Variants in OPRM1 observed in about 807,000 individuals in gnomAD.
OPRM1 encodes mu-type opioid receptor.
Under a neutral mutation model 31.8 loss-of-function variants are expected in OPRM1, and 27 were observed. The ratio of observed to expected loss-of-function variants is 0.85; its 90% CI spans 0.63 to 1.17. The LOEUF (loss-of-function observed/expected upper bound fraction) is 1.17. Ranked by LOEUF, OPRM1 falls within the 50% of genes most tolerant of loss-of-function variation. The pLI is 0.00. For synonymous variants in OPRM1, 196 were observed against 189.9 expected (o/e 1.03, Z -0.26); for missense variants, 536 against 511.1 (o/e 1.05, Z -0.47).
At chr6:154,161,502 T>C (rs779107281) in intron 3 of OPRM1, among the ~76,000 whole-genome samples, 1 of 152,138 alleles carries the variant, frequency 6.6e-6, no homozygotes, top group Non-Finnish European at 1.5e-5. Context: ...CGTGAGCCAC[T>C]GCACCTGGCC....
chr6:154,038,448 G>T (rs1779451327), upstream of OPRM1, among the ~76,000 whole-genome samples: 1 of 152,186 alleles, frequency 6.6e-6, no homozygotes, highest in Admixed American at 6.5e-5. Context: ...CAAGGATCTT[G>T]TTGTAGGCCA....
At chr6:154,036,790 G>A (rs1261199573), upstream of OPRM1, among the ~76,000 whole-genome samples, 1 of 150,694 alleles carries the variant, frequency 6.6e-6, no homozygotes, top group Non-Finnish European at 1.5e-5. Flanking sequence ...CATTATCTGG[G>A]TATAATGGCA....
intron 3 of OPRM1, chr6:154,108,883 C>T (rs969046116): frequency 2.0e-6 from 2 of 984,074 alleles, no homozygotes; most frequent in Non-Finnish European, 2.4e-6. Flanking sequence ...ATTAAAAATA[C>T]AGTAGTTACT....
intron 3 of OPRM1, among the ~76,000 whole-genome samples, chr6:154,098,113 G>C (rs1453888099): frequency 6.6e-6 from 1 of 152,140 alleles, no homozygotes; most frequent in Admixed American, 6.6e-5. Context: ...TTAATTAGTG[G>C]CTAACTATTG....
intron 3 of OPRM1, among the ~76,000 whole-genome samples, chr6:154,164,106 T>C (rs1369119713): frequency 6.6e-6 from 1 of 152,246 alleles, no homozygotes; most frequent in Non-Finnish European, 1.5e-5. Flanking sequence ...TAAAGAGTTT[T>C]ATTTTGTTCT....
At chr6:154,107,690 T>C (rs1347419795) in intron 3 of OPRM1, 7 of 718,414 alleles carry the variant, frequency 9.7e-6, no homozygotes, top group Non-Finnish European at 1.8e-5. Context: ...TGCCGTGTGG[T>C]TAAAAGGTCA....
chr6:154,065,077 A>G (rs140716637), intron 1 of OPRM1, among the ~76,000 whole-genome samples: 221 of 152,094 alleles, frequency 1.5e-3, no homozygotes, highest in African/African-American at 4.3e-3. Flanking sequence ...ATGACATTGT[A>G]TGACATCTTA....
At chr6:154,049,757 G>A (rs1338104812) in intron 1 of OPRM1, among the ~76,000 whole-genome samples, 1 of 152,126 alleles carries the variant, frequency 6.6e-6, no homozygotes, top group African/African-American at 2.4e-5. Context: ...TCACTCATGA[G>A]TCACCAGATA....
intron 3 of OPRM1, among the ~76,000 whole-genome samples, chr6:154,195,696 T>C (rs1314458009): frequency 6.6e-6 from 1 of 152,144 alleles, no homozygotes; most frequent in African/African-American, 2.4e-5. Context: ...TGGCACCTAT[T>C]TTACTCTGCT....
intron 3 of OPRM1, among the ~76,000 whole-genome samples, chr6:154,149,805 T>C (rs925214112): frequency 1.3e-5 from 2 of 152,222 alleles, no homozygotes; most frequent in Non-Finnish European, 2.9e-5. Flanking sequence ...ACAGTAGTTC[T>C]GAATACCTTG....
At chr6:154,093,165 A>C in intron 3 of OPRM1, 1 of 921,760 alleles carries the variant, frequency 1.1e-6, no homozygotes, top group South Asian at 1.9e-5. Flanking sequence ...TGCAACTTAA[A>C]ATGCCTAGTC....
intron 3 of OPRM1, chr6:154,107,718 G>A: frequency 1.4e-6 from 1 of 718,548 alleles, no homozygotes; most frequent in Non-Finnish European, 2.6e-6. Context: ...AAGGTGGAGA[G>A]ACTTCATCCA....
At chr6:154,050,799 G>A (rs1782051366) in intron 1 of OPRM1, among the ~76,000 whole-genome samples, 1 of 151,992 alleles carries the variant, frequency 6.6e-6, no homozygotes, top group African/African-American at 2.4e-5. Context: ...ATGCTTGAGG[G>A]GATGGATACC....
chr6:154,207,192 G>C (rs1777571438), intron 3 of OPRM1, among the ~76,000 whole-genome samples: 1 of 152,228 alleles, frequency 6.6e-6, no homozygotes, highest in African/African-American at 2.4e-5. Context: ...GAGCCACCGG[G>C]CTGCGTGACT....
intron 1 of OPRM1, among the ~76,000 whole-genome samples, chr6:154,047,841 A>G (rs1045751930): frequency 6.6e-6 from 1 of 152,228 alleles, no homozygotes; most frequent in Admixed American, 6.5e-5. Flanking sequence ...TACAAACTAC[A>G]GAAATTTACT....
At chr6:154,035,239 C>G (rs1180736474), upstream of OPRM1, among the ~76,000 whole-genome samples, 1 of 151,902 alleles carries the variant, frequency 6.6e-6, no homozygotes. Context: ...GGCTTTCATC[C>G]ACTTTATTCT....
intron 1 of OPRM1, among the ~76,000 whole-genome samples, chr6:154,027,490 T>A (rs145290602): frequency 3.9e-4 from 60 of 152,312 alleles, no homozygotes; most frequent in African/African-American, 1.4e-3. Flanking sequence ...CTGTGGCCTA[T>A]GTTCACACAG....
chr6:154,073,310 T>C (rs917337877), intron 1 of OPRM1, among the ~76,000 whole-genome samples: 1 of 152,126 alleles, frequency 6.6e-6, no homozygotes, highest in African/African-American at 2.4e-5. Context: ...AGCAACAGTG[T>C]CCTCATGCAT....
intron 3 of OPRM1, among the ~76,000 whole-genome samples, chr6:154,195,065 C>A (rs1776479822): frequency 6.6e-6 from 1 of 152,076 alleles, no homozygotes; most frequent in Non-Finnish European, 1.5e-5. Flanking sequence ...GTTATGCAGG[C>A]TCCCTAAACC....
Sources: gnomAD v4.1 joint callset for allele counts (sites outside exome capture counted in the v4.1 genomes callset) on GRCh38, gnomAD v4.1.1 for gene constraint, MANE v1.5 for transcripts, NCBI Gene and HGNC (gene_info 2026-07-23, HGNC 2026-07-21) for gene names.